TPRG1: variants seen among roughly 807,000 people sequenced by gnomAD.
The protein encoded by TPRG1 is tumor protein p63 regulated 1.
A neutral mutation model predicts 29.3 loss-of-function variants in TPRG1; 29 were observed. The ratio of observed to expected loss-of-function variants is 0.99; its 90% CI spans 0.74 to 1.35. The LOEUF is 1.35. Among genes scored for constraint, TPRG1 ranks in the 40% most tolerant of loss-of-function variants. The pLI, the probability that TPRG1 is intolerant of heterozygous loss-of-function variation, is 0.00. For synonymous variants in TPRG1, 130 were observed against 116.8 expected, an observed-to-expected ratio of 1.11 and a Z score of -0.73; for missense variants, 327 against 335.0, an observed-to-expected ratio of 0.98 and a Z score of 0.19.
intron 3 of TPRG1, among the ~76,000 whole-genome samples, chr3:189,221,033 T>C (rs958444579): frequency 6.6e-6 from 1 of 152,200 alleles, no homozygotes; most frequent in Admixed American, 6.5e-5. Flanking sequence ...AAACTGTCAA[T>C]GACACACAAA....
rs958277166 is a variant in TPRG1 at position 189,009,557 on chromosome 3, A to G, written c.-660+4797A>G. Reference sequence around the variant, plus strand: ...GTAAAAGTAACCCCTGATTTTATATACATATACAGCACCTGCAGAAATGCA... The same window carrying G: ...GTAAAAGTAACCCCTGATTTTATATGCATATACAGCACCTGCAGAAATGCA... On this transcript the variant is annotated intron_variant, in intron 3 of 10. Coordinates refer to the TPRG1 transcript ENST00000433971. 7.2e-5 allele frequency among the ~76,000 whole-genome samples: 11 copies of G among 152,272 alleles called. No individual in the cohort carries two copies. In the East Asian group the frequency reaches 1.9e-3, roughly 27 times the overall value.
chr3:189,225,850 GC>G (rs1278065047), intron 3 of TPRG1, among the ~76,000 whole-genome samples: 1 of 152,138 alleles, frequency 6.6e-6, no homozygotes, highest in Non-Finnish European at 1.5e-5. Flanking sequence ...GAAATGCTTT[GC>G]CATGTGAATT....
chr3:189,000,623 T>C (rs764358499), intron 1 of TPRG1, among the ~76,000 whole-genome samples: 1 of 152,314 alleles, frequency 6.6e-6, no homozygotes, highest in East Asian at 1.9e-4. Flanking sequence ...GGCTCTGTTT[T>C]TGAGTTTTCC....
chr3:189,245,728 T>C (rs1741282264), intron 4 of TPRG1, among the ~76,000 whole-genome samples: 1 of 152,104 alleles, frequency 6.6e-6, no homozygotes, highest in Non-Finnish European at 1.5e-5. Context: ...TTTTTACTGA[T>C]TTTTTGTGTA....
rs538442664 is a variant in TPRG1, at chr3:189,309,127, G to A, written c.480-1259G>A. On this transcript the variant is annotated intron_variant, in intron 4 of 5. Transcript: ENST00000345063. ...AGGATTAAGTACAAAAAAAAGTTGGGTGTCAGTTTTCAAATATAATCATCA... is the reference window on the plus strand; with the variant it reads ...AGGATTAAGTACAAAAAAAAGTTGGATGTCAGTTTTCAAATATAATCATCA... 8.1e-5 allele frequency among the ~76,000 whole-genome samples: 12 copies of A among 147,684 alleles called. No individual in the cohort carries two copies. In the East Asian group the frequency reaches 2.2e-3, roughly 27 times the overall value.
intron 3 of TPRG1, among the ~76,000 whole-genome samples, chr3:189,006,154 G>A (rs915275823): frequency 3.9e-5 from 6 of 151,958 alleles, no homozygotes; most frequent in East Asian, 1.9e-4. Context: ...TTCTCAATCC[G>A]CATGCAGCTT....
intron 4 of TPRG1, among the ~76,000 whole-genome samples, chr3:189,051,835 A>G (rs565363325): frequency 1.3e-5 from 2 of 152,220 alleles, no homozygotes; most frequent in South Asian, 2.1e-4. Flanking sequence ...ACAAAAACAT[A>G]AAGTGGGGAA....
chr3:189,154,446 T>A (rs1446370568), intron 5 of TPRG1, among the ~76,000 whole-genome samples: 2 of 65,428 alleles, frequency 3.1e-5, no homozygotes, highest in Non-Finnish European at 6.8e-5. Context: ...GCAGTGTACA[T>A]TTTTTTTTTT....
intron 5 of TPRG1, among the ~76,000 whole-genome samples, chr3:189,320,130 T>C (rs1724138912): frequency 1.3e-5 from 2 of 152,048 alleles, no homozygotes; most frequent in Non-Finnish European, 2.9e-5. Context: ...ATCACGAGAA[T>C]GTGAGCTCCA....
intron 3 of TPRG1, among the ~76,000 whole-genome samples, chr3:189,134,398 G>A (rs1389380498): frequency 2.8e-5 from 4 of 141,558 alleles, no homozygotes; most frequent in African/African-American, 1.1e-4. Context: ...AGCAGTGGGG[G>A]TATCCTTTTT....
intron 4 of TPRG1, among the ~76,000 whole-genome samples, chr3:189,270,499 T>C (rs572193227): frequency 6.6e-6 from 1 of 152,350 alleles, no homozygotes; most frequent in South Asian, 2.1e-4. Context: ...CCAGGCTCAG[T>C]CAGCACTGAA....
At chr3:189,276,018 G>A (rs556676575) in intron 4 of TPRG1, among the ~76,000 whole-genome samples, 3 of 152,232 alleles carry the variant, frequency 2.0e-5, no homozygotes, top group East Asian at 1.9e-4. Flanking sequence ...TGAACCTTAA[G>A]CATTGGTTGG....
intron 4 of TPRG1, among the ~76,000 whole-genome samples, chr3:189,069,926 A>C (rs553225012): frequency 1.3e-5 from 2 of 152,178 alleles, no homozygotes; most frequent in South Asian, 4.2e-4. Flanking sequence ...AAAAACACAA[A>C]AATTAGCTGG....
intron 4 of TPRG1, among the ~76,000 whole-genome samples, chr3:189,250,509 C>T (rs111772998): frequency 8.3e-5 from 6 of 72,252 alleles, no homozygotes; most frequent in Non-Finnish European, 1.5e-4. Flanking sequence ...TTTCCGCCCC[C>T]CCCCCCCCAC....
At chr3:189,167,275 A>C (rs1427191890), upstream of TPRG1, among the ~76,000 whole-genome samples, 2 of 152,204 alleles carry the variant, frequency 1.3e-5, no homozygotes, top group African/African-American at 4.8e-5. Context: ...CCTCCCATCC[A>C]GCAAGATGGG....
At chr3:189,298,705 T>A (rs1451229097) in intron 4 of TPRG1, among the ~76,000 whole-genome samples, 2 of 152,180 alleles carry the variant, frequency 1.3e-5, no homozygotes, top group African/African-American at 4.8e-5. Context: ...AGAGAGTGTG[T>A]GTGTGGAAAA....
At chr3:189,251,914 C>A (rs1413484464) in intron 4 of TPRG1, among the ~76,000 whole-genome samples, 1 of 152,144 alleles carries the variant, frequency 6.6e-6, no homozygotes, top group African/African-American at 2.4e-5. Context: ...TCAGCACAGA[C>A]CCTTTATGGG....
chr3:189,316,199 CTT>C (rs554794202), intron 5 of TPRG1, among the ~76,000 whole-genome samples: 39 of 152,280 alleles, frequency 2.6e-4, no homozygotes, highest in Admixed American at 2.0e-3. Context: ...AGAAACCTCT[CTT>C]GTGCAAGAAA....
chr3:189,054,068 A>G (rs1715503355), intron 4 of TPRG1, among the ~76,000 whole-genome samples: 1 of 152,152 alleles, frequency 6.6e-6, no homozygotes, highest in Non-Finnish European at 1.5e-5. Flanking sequence ...TGTTGTTTTC[A>G]ACATTCTTTT....
Sources: allele counts gnomAD v4.1 joint callset (sites outside exome capture counted in the v4.1 genomes callset), GRCh38; gene constraint gnomAD v4.1.1; transcripts MANE v1.5; gene names NCBI Gene and HGNC (gene_info 2026-07-23, HGNC 2026-07-21).